The following PLIN5 variants were observed in gnomAD, a reference collection of about 807,000 sequenced individuals.
PLIN5 encodes perilipin-5.
A neutral mutation model predicts 32.8 loss-of-function variants in PLIN5; 34 were observed. That is an observed-to-expected ratio of 1.04 (90% CI 0.79 to 1.38). The LOEUF is 1.38. Ranked by LOEUF, PLIN5 falls within the 40% of genes most tolerant of loss-of-function variation. The pLI, the probability that PLIN5 is intolerant of heterozygous loss-of-function variation, is 0.00. For missense variants in PLIN5, 712 were observed against 660.5 expected, an observed-to-expected ratio of 1.08 and a Z score of -0.85; for synonymous variants, 309 against 292.9, an observed-to-expected ratio of 1.05 and a Z score of -0.56.
chr19:4,525,985 C>T lies in PLIN5; in HGVS notation c.521-153G>A. ...ACAGCATGGGGTCAGCACAGCCACC[C>T]ACCCCCTCCACATCTGCTCACCCAC... is the stretch of plus-strand genomic sequence containing the variant. On this transcript the variant is annotated intron_variant, in intron 5 of 7. Transcript: ENST00000381848. This position sits in a 1 kb window ranked among gnomAD's most constrained non-coding sequence, Gnocchi z 5.6. The T allele has an allele frequency of 1.3e-6, 1 of 760,610 alleles. No individual in the cohort carries two copies. The highest frequency in any genetic ancestry group is 2.1e-6 in the Non-Finnish European group (1 of 469,606). The allele number at this position is 760,610 out of a possible 1,614,324, so 47.1% of individuals were successfully genotyped here.
At chr19:4,527,376 A>G (rs187229679) in intron 5 of PLIN5, among the ~76,000 whole-genome samples, 239 of 151,792 alleles carry the variant, frequency 1.6e-3, no homozygotes, top group African/African-American at 5.3e-3. Flanking sequence ...CCGGCCTAAA[A>G]AAAAATTTTT....
Position 4,524,059 on chromosome 19 carries a change from G to A in PLIN5, c.861C>T (p.Ser287=). Residue 287 remains serine (S), a synonymous_variant, in exon 8 of 8, where the codon TCC becomes TCT. Transcript: ENST00000381848. ...CCTGCAGCTCCTGGGTCAGGCTGCG[G>A]GACAGCACCAGCGTCTCCAGCTCTG... ...SQAELETLVL[S]RSLTQELQGT... is the part of the protein sequence containing the mutation. 2.1e-6 allele frequency: 3 copies of A among 1,457,586 alleles called. No homozygotes were observed. Among genetic ancestry groups the A allele is most frequent in the African/African-American group, 1.5e-5 (1 of 68,058 alleles). The allele number at this position is 1,457,586 out of a possible 1,614,324, so 90.3% of individuals were successfully genotyped here.
chr19:4,534,377 A>T, intron 1 of PLIN5: 1 of 389,830 alleles, frequency 2.6e-6, no homozygotes, highest in South Asian at 4.6e-5. Context: ...TTGCGGTGTT[A>T]TTTTTATTAT....
intron 5 of PLIN5, among the ~76,000 whole-genome samples, chr19:4,527,223 C>T (rs1204176274): frequency 6.6e-6 from 1 of 151,920 alleles, no homozygotes; most frequent in African/African-American, 2.4e-5. Context: ...CTACAGGCAC[C>T]CGCCACCACG....
chr19:4,528,251 T>C (rs79587185), intron 5 of PLIN5, among the ~76,000 whole-genome samples: 2,732 of 152,014 alleles, frequency 0.018, 27 homozygotes, highest in Middle Eastern at 0.071. Flanking sequence ...GCCCATACAT[T>C]CTTCCAGTAC....
rs779762662 is a variant in PLIN5 at position 4,525,093 on chromosome 19, G to A, written c.721-17C>T. 2.8e-5 allele frequency: 38 copies of A among 1,363,300 alleles called. No homozygotes were observed. The highest frequency in any genetic ancestry group is 2.7e-4 in the Middle Eastern group (1 of 3,704). 84.5% of individuals were successfully genotyped at this position (1,363,300 alleles called of 1,614,324 possible). A position where few individuals can be genotyped will look rare whatever the true frequency, so the allele number is the denominator to read the frequency against. On this transcript the variant is annotated splice_polypyrimidine_tract_variant and intron_variant, in intron 6 of 7. Transcript: ENST00000381848. This position sits in a 1 kb window ranked among gnomAD's most constrained non-coding sequence, Gnocchi z 5.6. ...GTGGTCTATCTGCAAGGACAGAAAT[G>A]GTGGTCTTCAGAGCTGGGGGAGCTG...
In PLIN5 at chr19:4,529,601, A is replaced by G. The variant is rs757165880; in HGVS notation, c.339+183T>C. ...ACATATATACACTATACGTATATAC[A>G]TATATGTATACACACACACACACAC... On this transcript the variant is annotated intron_variant, in intron 4 of 7. Coordinates refer to ENST00000381848, the MANE Select transcript of PLIN5 (RefSeq NM_001013706.3). The G allele has an allele frequency of 2.3e-4, 121 of 516,128 alleles. 1 individual carries two copies. Among genetic ancestry groups the G allele is most frequent in the African/African-American group, 2.3e-3 (105 of 45,192 alleles). 32.0% of individuals were successfully genotyped at this position (516,128 alleles called of 1,614,324 possible).
chr19:4,528,268 G>T (rs1568244658), intron 5 of PLIN5, among the ~76,000 whole-genome samples: 1 of 152,096 alleles, frequency 6.6e-6, no homozygotes, highest in Non-Finnish European at 1.5e-5. Flanking sequence ...GTACTGTAAG[G>T]CCAGAGTTGG....
Position 4,525,088 on chromosome 19 carries a change from G to A in PLIN5, c.721-12C>T, listed in dbSNP as rs1488878490. 3 of 1,132,250 alleles carry A rather than the reference G, an allele frequency of 2.6e-6. No individual in the cohort carries two copies. The highest frequency in any genetic ancestry group is 5.2e-5 in the East Asian group (1 of 19,172). 70.1% of individuals were successfully genotyped at this position (1,132,250 alleles called of 1,614,324 possible). On this transcript the variant is annotated splice_polypyrimidine_tract_variant and intron_variant, in intron 6 of 7. Coordinates refer to ENST00000381848, the MANE Select transcript of PLIN5 (RefSeq NM_001013706.3). The surrounding 1 kb of genome is among the most constrained non-coding windows in gnomAD (Gnocchi z 5.6). ...TGCATGTGGTCTATCTGCAAGGACA[G>A]AAATGGTGGTCTTCAGAGCTGGGGG...
chr19:4,529,516 ATATACACATATACATATATACT>A, intron 4 of PLIN5: 1 of 524,528 alleles, frequency 1.9e-6, no homozygotes, highest in Non-Finnish European at 3.4e-6. Context: ...ATACATGTAT[ATATACACATATACATATATACT>A]TATACGTATA....
rs1976756811 is a variant in PLIN5 at position 4,523,519 on chromosome 19, G to A, written c.*9C>T. The A allele has an allele frequency of 6.5e-7, 1 of 1,542,376 alleles. No homozygotes were observed. The highest frequency in any genetic ancestry group is 8.8e-7 in the Non-Finnish European group (1 of 1,141,114). On this transcript the variant is annotated 3_prime_UTR_variant, in exon 8 of 8. Transcript: ENST00000381848. The surrounding 1 kb of genome is among the most constrained non-coding windows in gnomAD (Gnocchi z 5.0). ...TGGCCTTTCCTCCCCGCCTCCACTG[G>A]CCCATGGGTCAGAAGTCCAGCTCGG...
chr19:4,523,874 C>A lies in PLIN5; in HGVS notation c.1046G>T (p.Gly349Val). ...GCAGGCGTGCGCGTGGGCCACGCGA[C>A]CCCGGCCCTCGGCCAGCGCGGCCGC... ...VPAAALAEGR[G>V]RVAHAHACVD... Residue 349 changes from glycine to valine, a missense_variant, in exon 8 of 8, where the codon GGT (glycine) becomes GTT (valine). Transcript: ENST00000381848. This position sits in a 1 kb window ranked among gnomAD's most constrained non-coding sequence, Gnocchi z 5.0. The A allele has an allele frequency of 6.6e-7, 1 of 1,522,790 alleles. No homozygotes were observed. The highest frequency in any genetic ancestry group is 1.2e-5 in the South Asian group (1 of 80,398). The allele number at this position is 1,522,790 out of a possible 1,614,324, so 94.3% of individuals were successfully genotyped here. A position where few individuals can be genotyped will look rare whatever the true frequency, so the allele number is the denominator to read the frequency against.
chr19:4,533,722 G>A, intron 2 of PLIN5: 1 of 512,124 alleles, frequency 2.0e-6, no homozygotes, highest in East Asian at 3.0e-5. Flanking sequence ...CATGATGGTG[G>A]ACGTGGAGAC....
At chr19:4,530,195 T>C (rs10412198) in intron 3 of PLIN5, among the ~76,000 whole-genome samples, 7,886 of 152,112 alleles carry the variant, frequency 0.052, 671 homozygotes, top group African/African-American at 0.18. Context: ...TAGGTGAGAC[T>C]GGGGGCCCTG....
In PLIN5 at chr19:4,535,217, G is replaced by A. The variant is rs1171643728; in HGVS notation, c.-74C>T. 1.3e-5 allele frequency: 2 copies of A among 151,016 alleles called. No homozygotes were observed. The highest frequency in any genetic ancestry group is 2.9e-5 in the Non-Finnish European group (2 of 68,078). 9.4% of individuals were successfully genotyped at this position (151,016 alleles called of 1,614,324 possible). ...CTGTCTCCGCCGACCCCAGGCTCGAGTCTCCACACCCCCGCCGGTCCCGCC... is the reference window on the plus strand; with the variant it reads ...CTGTCTCCGCCGACCCCAGGCTCGAATCTCCACACCCCCGCCGGTCCCGCC... On this transcript the variant is annotated 5_prime_UTR_variant, in exon 1 of 8. Transcript: ENST00000381848.
At chr19:4,524,236 C>A (rs1976770853) in intron 7 of PLIN5, 151 bp from the exon 8 acceptor site, 1 of 776,814 alleles carries the variant, frequency 1.3e-6, no homozygotes, top group Non-Finnish European at 1.8e-6. Context: ...TGTGACCCAG[C>A]CCTGACTCAG....
At chr19:4,532,051 GTTTGTAATGGGGTTTCACTCT>G (rs1192438319) in intron 2 of PLIN5, among the ~76,000 whole-genome samples, 1 of 152,214 alleles carries the variant, frequency 6.6e-6, no homozygotes, top group Non-Finnish European at 1.5e-5. Context: ...TTACAATTTT[GTTTGTAATGGGGTTTCACTCT>G]TATCACCCAG....
chr19:4,527,538 CAA>C (rs1176219746), intron 5 of PLIN5, among the ~76,000 whole-genome samples: 1,029 of 29,458 alleles, frequency 0.035, 18 homozygotes, highest in African/African-American at 0.12. Flanking sequence ...GACTCCACTT[CAA>C]AAAAAAAAAA....
chr19:4,529,044 G>A, intron 5 of PLIN5, 29 bp downstream of exon 5: 2 of 1,603,904 alleles, frequency 1.2e-6, no homozygotes, highest in Non-Finnish European at 1.7e-6. Flanking sequence ...GCAGGACTCA[G>A]GGGTTAGGGT....
Sources: gnomAD v4.1 joint callset for allele counts (sites outside exome capture counted in the v4.1 genomes callset) on GRCh38, gnomAD v4.1.1 for gene constraint, Gnocchi (gnomAD v3.1) non-coding constraint, MANE v1.5 for transcripts, NCBI Gene and HGNC (gene_info 2026-07-23, HGNC 2026-07-21) for gene names.